Variants in NKX2-2 observed in about 807,000 individuals in gnomAD.
NKX2-2 encodes NK2 homeobox 2.
A neutral mutation model predicts 24.6 loss-of-function variants in NKX2-2; 8 were observed. The ratio of observed to expected loss-of-function variants is 0.32; its 90% CI spans 0.19 to 0.59. The LOEUF (loss-of-function observed/expected upper bound fraction) is 0.59. Among genes scored for constraint, NKX2-2 ranks in the 20% least tolerant of loss-of-function variants. The probability of loss-of-function intolerance (pLI) is 0.86; values close to 1 mark genes in which losing one functional copy is unlikely to be tolerated. For synonymous variants in NKX2-2, 217 were observed against 173.3 expected (o/e 1.25, Z -1.98); for missense variants, 381 against 373.9 (o/e 1.02, Z -0.16).
Position 21,511,787 on chromosome 20 carries a change from A to T in NKX2-2, c.*136T>A. On this transcript the variant is annotated 3_prime_UTR_variant, in exon 2 of 2. Transcript: ENST00000377142. ...CAACCTCCCGGCGCCTCCCTAGTGG[A>T]GCCGAGAGTCAACTCGACTCCATAA... 2 of 663,508 alleles carry T rather than the reference A, an allele frequency of 3.0e-6. No homozygotes were observed. Among genetic ancestry groups the T allele is most frequent in the Non-Finnish European group, 2.3e-6 (1 of 433,332 alleles). The allele number at this position is 663,508 out of a possible 1,614,324, so 41.1% of individuals were successfully genotyped here.
Position 21,513,315 on chromosome 20 carries a change from A to C in NKX2-2, c.259+96T>G. The C allele has an allele frequency of 7.4e-7, 1 of 1,345,546 alleles. No individual in the cohort carries two copies. The highest frequency in any genetic ancestry group is 1.5e-5 in the African/African-American group (1 of 66,802). 83.4% of individuals were successfully genotyped at this position (1,345,546 alleles called of 1,614,324 possible). A position where few individuals can be genotyped will look rare whatever the true frequency, so the allele number is the denominator to read the frequency against. ...TCCGAGTGAGGGGGTCCGGGCTTAC[A>C]TGGCCCCTTCCCCTTTCACTCCCAG... is the stretch of plus-strand genomic sequence containing the variant. On this transcript the variant is annotated intron_variant, in intron 1 of 1. Transcript: ENST00000377142. The surrounding 1 kb of genome is among the most constrained non-coding windows in gnomAD (Gnocchi z 4.6).
chr20:21,511,800 C>T lies in NKX2-2; in HGVS notation c.*123G>A. The T allele has an allele frequency of 1.3e-6, 1 of 760,198 alleles. No individual in the cohort carries two copies. Among genetic ancestry groups the T allele is most frequent in the Non-Finnish European group, 1.9e-6 (1 of 518,764 alleles). The allele number at this position is 760,198 out of a possible 1,614,324, so 47.1% of individuals were successfully genotyped here. On this transcript the variant is annotated 3_prime_UTR_variant, in exon 2 of 2. Coordinates refer to ENST00000377142, the MANE Select transcript of NKX2-2 (RefSeq NM_002509.4). ...CCTCCCTAGTGGAGCCGAGAGTCAA[C>T]TCGACTCCATAATAATAATTATAAT...
At chr20:21,518,366 A>T (rs1028524327), upstream of NKX2-2, among the ~76,000 whole-genome samples, 12 of 152,136 alleles carry the variant, frequency 7.9e-5, no homozygotes, top group Non-Finnish European at 1.2e-4. Flanking sequence ...GAACGGACGC[A>T]TTGGGAGTCC....
chr20:21,513,520 C>T lies in NKX2-2; in HGVS notation c.150G>A (p.Gln50=), dbSNP rs899965982. The T allele has an allele frequency of 6.2e-7, 1 of 1,613,234 alleles. No homozygotes were observed. The highest frequency in any genetic ancestry group is 8.5e-7 in the Non-Finnish European group (1 of 1,179,630). Reference sequence around the variant, plus strand: ...GGCTCTGCACCGCGTCCAGGGCGCCCTGCCCCAGCGGCCCGGCCCTCTTGG... The same window carrying T: ...GGCTCTGCACCGCGTCCAGGGCGCCTTGCCCCAGCGGCCCGGCCCTCTTGG... ...EPAKRAGPLG[Q]GALDAVQSLP... is the part of the protein sequence containing the mutation. Residue 50 remains glutamine (Q), a synonymous_variant, in exon 1 of 2, where the codon CAG becomes CAA. Coordinates refer to ENST00000377142, the MANE Select transcript of NKX2-2 (RefSeq NM_002509.4). This position sits in a 1 kb window ranked among gnomAD's most constrained non-coding sequence, Gnocchi z 4.6.
chr20:21,517,074 C>T (rs531692409), upstream of NKX2-2, among the ~76,000 whole-genome samples: 327 of 152,316 alleles, frequency 2.1e-3, 4 homozygotes, highest in African/African-American at 7.7e-3. Context: ...TGGAATTAAT[C>T]ACGGGGAGGG....
In NKX2-2 at chr20:21,511,831, T is replaced by G; in HGVS notation, c.*92A>C. 2.2e-6 allele frequency: 2 copies of G among 890,650 alleles called. No individual in the cohort carries two copies. Among genetic ancestry groups the G allele is most frequent in the Non-Finnish European group, 1.6e-6 (1 of 615,036 alleles). The allele number at this position is 890,650 out of a possible 1,614,324, so 55.2% of individuals were successfully genotyped here. On this transcript the variant is annotated 3_prime_UTR_variant, in exon 2 of 2. Coordinates refer to ENST00000377142, the MANE Select transcript of NKX2-2 (RefSeq NM_002509.4). ...TCCATAATAATAATTATAATAATAATAATAACCACCATAAGGACCGAGGCC... is the reference window on the plus strand; with the variant it reads ...TCCATAATAATAATTATAATAATAAGAATAACCACCATAAGGACCGAGGCC...
rs1383945161 is a variant in NKX2-2 at position 21,513,754 on chromosome 20, AG to A, written c.-86del. 80 of 253,672 alleles carry A rather than the reference AG, an allele frequency of 3.2e-4. No homozygotes were observed. Among genetic ancestry groups the A allele is most frequent in the East Asian group, 3.9e-4 (2 of 5,158 alleles). 15.7% of individuals were successfully genotyped at this position (253,672 alleles called of 1,614,324 possible). The stretch of plus-strand genomic sequence containing the variant: ...GCTCCCCTGCCCCGGCGGGCGGGGG[AG>A]GGGGGAGTTGGGGGGAGGGACTGGG... On this transcript the variant is annotated 5_prime_UTR_variant, in exon 1 of 2. Coordinates refer to ENST00000377142, the MANE Select transcript of NKX2-2 (RefSeq NM_002509.4). The surrounding 1 kb of genome is among the most constrained non-coding windows in gnomAD (Gnocchi z 4.6).
Position 21,511,697 on chromosome 20 carries a change from G to A in NKX2-2, c.*226C>T. ...GGCGTAGAGTTCAGCCCTCTCCCAA[G>A]GTTCAGAAGGAGAGGCATGGGCAGA... On this transcript the variant is annotated 3_prime_UTR_variant, in exon 2 of 2. Transcript: ENST00000377142. 2.4e-6 allele frequency: 1 copy of A among 418,098 alleles called. No individual in the cohort carries two copies. Among genetic ancestry groups the A allele is most frequent in the Middle Eastern group, 6.2e-4 (1 of 1,624 alleles). 25.9% of individuals were successfully genotyped at this position (418,098 alleles called of 1,614,324 possible). A position where few individuals can be genotyped will look rare whatever the true frequency, so the allele number is the denominator to read the frequency against.
At chr20:21,514,711 G>C (rs1318684563), upstream of NKX2-2, among the ~76,000 whole-genome samples, 1 of 152,206 alleles carries the variant, frequency 6.6e-6, no homozygotes, top group East Asian at 1.9e-4. Flanking sequence ...GTTGGTGGTT[G>C]CCTAAACAAG....
At chr20:21,514,421 A>G (rs1315667078), upstream of NKX2-2, among the ~76,000 whole-genome samples, 1 of 145,594 alleles carries the variant, frequency 6.9e-6, no homozygotes, top group Non-Finnish European at 1.5e-5. Flanking sequence ...TAAACCCAGT[A>G]TTTACATACA....
In NKX2-2 at chr20:21,512,493, G is replaced by A. The variant is rs769010504; in HGVS notation, c.260-8C>T. 4 of 1,540,570 alleles carry A rather than the reference G, an allele frequency of 2.6e-6. No individual in the cohort carries two copies. The African/African-American group carries it at 4.1e-5, about 16-fold the overall frequency. On this transcript the variant is annotated splice_region_variant and splice_polypyrimidine_tract_variant and intron_variant, in intron 1 of 1. Transcript: ENST00000377142. The stretch of plus-strand genomic sequence containing the variant: ...CGGCAGCCAGACCGTGCACTGGGGG[G>A]AGGGGGAGAGAGAAGCGCGTCAGGC...
upstream of NKX2-2, among the ~76,000 whole-genome samples, chr20:21,516,016 G>A (rs1251002237): frequency 2.0e-5 from 3 of 152,206 alleles, no homozygotes; most frequent in African/African-American, 2.4e-5. Context: ...GCTAAGCTGC[G>A]GACAATGAGC....
the NKX2-2 span, among the ~76,000 whole-genome samples, chr20:21,522,517 C>G: frequency 6.6e-6 from 1 of 152,100 alleles, no homozygotes; most frequent in Non-Finnish European, 1.5e-5. Context: ...TGCCCCGCGC[C>G]ATCCCCATCC....
chr20:21,517,490 C>T (rs1600263277), upstream of NKX2-2, among the ~76,000 whole-genome samples: 1 of 152,192 alleles, frequency 6.6e-6, no homozygotes, highest in Admixed American at 6.5e-5. Flanking sequence ...ATTTCCAGAG[C>T]GTTAACATTT....
At chr20:21,519,842 G>T in the NKX2-2 span, among the ~76,000 whole-genome samples, 8 of 152,140 alleles carry the variant, frequency 5.3e-5, no homozygotes, top group Non-Finnish European at 1.2e-4. Flanking sequence ...GGGTTGGGGA[G>T]GCCTAAAGCT....
upstream of NKX2-2, among the ~76,000 whole-genome samples, chr20:21,514,817 G>A (rs1205378846): frequency 2.0e-5 from 3 of 152,216 alleles, no homozygotes; most frequent in Non-Finnish European, 4.4e-5. Context: ...GACAAGGCAA[G>A]TAATTGATTC....
rs147743109 is a variant in NKX2-2, at chr20:21,512,052, G to T, written c.693C>A (p.Gly231=). ...QDLAAATFQA[G]IPFSAYSAQS... ...GCGCGCTGTAGGCAGAAAAGGGAATGCCCGCCTGGAAGGTGGCGGCTGCCA... is the reference window on the plus strand; with the variant it reads ...GCGCGCTGTAGGCAGAAAAGGGAATTCCCGCCTGGAAGGTGGCGGCTGCCA... Residue 231 remains glycine, a synonymous_variant, in exon 2 of 2, where the codon GGC becomes GGA. Coordinates refer to ENST00000377142, the MANE Select transcript of NKX2-2 (RefSeq NM_002509.4). The T allele has an allele frequency of 1.9e-6, 3 of 1,613,684 alleles. No homozygotes were observed. Among genetic ancestry groups the T allele is most frequent in the Non-Finnish European group, 2.5e-6 (3 of 1,179,958 alleles).
the NKX2-2 span, among the ~76,000 whole-genome samples, chr20:21,520,678 C>T: frequency 2.0e-4 from 31 of 152,144 alleles, no homozygotes; most frequent in African/African-American, 7.5e-4. Context: ...GCCAAACGAG[C>T]CTGTCCCAGC....
chr20:21,522,275 G>T, the NKX2-2 span, among the ~76,000 whole-genome samples: 5 of 152,178 alleles, frequency 3.3e-5, no homozygotes, highest in Admixed American at 3.3e-4. Flanking sequence ...AGAGCGAGGG[G>T]CTCATAACCG....
Sources: gnomAD v4.1 joint callset for allele counts (sites outside exome capture counted in the v4.1 genomes callset) on GRCh38, gnomAD v4.1.1 for gene constraint, Gnocchi (gnomAD v3.1) non-coding constraint, MANE v1.5 for transcripts, NCBI Gene and HGNC (gene_info 2026-07-23, HGNC 2026-07-21) for gene names.